Variants in ACBD6 observed in about 807,000 individuals in gnomAD.
The protein encoded by ACBD6 is acyl-CoA binding domain containing 6.
In ACBD6, 28 loss-of-function variants were observed where a neutral mutation model predicts 37.2. That is an observed-to-expected ratio of 0.75 (90% confidence interval 0.56 to 1.03). The LOEUF is 1.03. Among genes scored for constraint, ACBD6 ranks in the 50% least tolerant of loss-of-function variants. ACBD6 has a pLI of 0.00. For missense variants in ACBD6, 340 were observed against 337.4 expected, an observed-to-expected ratio of 1.01 and a Z score of -0.06; for synonymous variants, 113 against 126.8, an observed-to-expected ratio of 0.89 and a Z score of 0.73.
At chr1:180,430,285 T>C (rs1481619748) in intron 3 of ACBD6, 23 bp from the exon 4 acceptor site, 5 of 1,584,916 alleles carry the variant, frequency 3.2e-6, no homozygotes, top group Non-Finnish European at 3.5e-6. Flanking sequence ...GAAAAAAAAG[T>C]GAAAAAAAGA....
intron 7 of ACBD6, among the ~76,000 whole-genome samples, chr1:180,312,558 T>C (rs1650634659): frequency 6.6e-6 from 1 of 152,202 alleles, no homozygotes; most frequent in Non-Finnish European, 1.5e-5. Context: ...CATTTTGTGT[T>C]ATCTACAATT....
At chr1:180,484,822 T>C (rs1354109055) in intron 3 of ACBD6, among the ~76,000 whole-genome samples, 1 of 151,930 alleles carries the variant, frequency 6.6e-6, no homozygotes, top group Non-Finnish European at 1.5e-5. Context: ...TCCCAGCACT[T>C]TGGGAGGCTG....
intron 10 of ACBD6, chr1:180,274,266 A>C: frequency 6.2e-7 from 1 of 1,614,236 alleles, no homozygotes; most frequent in African/African-American, 1.3e-5. Context: ...CAGTTAATGA[A>C]TGGGAGCTTC....
chr1:180,339,570 A>G (rs1390055951), intron 6 of ACBD6, among the ~76,000 whole-genome samples: 1 of 152,192 alleles, frequency 6.6e-6, no homozygotes, highest in East Asian at 1.9e-4. Flanking sequence ...GTTAGGAGAT[A>G]TAGCTAATGT....
At chr1:180,471,700 A>G (rs1043146685) in intron 3 of ACBD6, among the ~76,000 whole-genome samples, 4 of 152,156 alleles carry the variant, frequency 2.6e-5, no homozygotes, top group African/African-American at 9.7e-5. Context: ...CCATGATTCA[A>G]TTACCTCCCC....
chr1:180,450,583 T>G (rs1333120557), intron 3 of ACBD6, among the ~76,000 whole-genome samples: 1 of 151,726 alleles, frequency 6.6e-6, no homozygotes, highest in Non-Finnish European at 1.5e-5. Context: ...ACAGTGAAAC[T>G]CCGTCTCTAC....
chr1:180,323,529 T>C (rs1651153755), intron 6 of ACBD6, among the ~76,000 whole-genome samples: 1 of 151,510 alleles, frequency 6.6e-6, no homozygotes, highest in Non-Finnish European at 1.5e-5. Context: ...TGTATTGGGG[T>C]CTCTCTCTCT....
intron 6 of ACBD6, among the ~76,000 whole-genome samples, chr1:180,375,879 AAAC>A (rs1653413274): frequency 6.6e-6 from 1 of 152,218 alleles, no homozygotes; most frequent in East Asian, 1.9e-4. Flanking sequence ...AAGATACCAT[AAAC>A]AAAATCAACA....
chr1:180,376,558 A>G (rs1462520544), intron 6 of ACBD6, among the ~76,000 whole-genome samples: 2 of 152,208 alleles, frequency 1.3e-5, no homozygotes, highest in Non-Finnish European at 2.9e-5. Context: ...GTTAGGTGAA[A>G]AAGTGATGAG....
chr1:180,303,909 T>C (rs1227402581), intron 7 of ACBD6, among the ~76,000 whole-genome samples: 4 of 150,810 alleles, frequency 2.7e-5, no homozygotes, highest in Non-Finnish European at 5.9e-5. Flanking sequence ...TTATCCACCA[T>C]GATTAAGTGG....
chr1:180,340,037 A>C (rs542969124), intron 6 of ACBD6, among the ~76,000 whole-genome samples: 8 of 152,070 alleles, frequency 5.3e-5, no homozygotes, highest in Non-Finnish European at 1.0e-4. Flanking sequence ...AAGTGCAAAG[A>C]CCCTGAAATG....
At chr1:180,325,955 C>T (rs1417957113) in intron 6 of ACBD6, among the ~76,000 whole-genome samples, 1 of 152,186 alleles carries the variant, frequency 6.6e-6, no homozygotes, top group Non-Finnish European at 1.5e-5. Flanking sequence ...ACCACTGGGA[C>T]TGCACTGGGT....
intron 6 of ACBD6, among the ~76,000 whole-genome samples, chr1:180,354,533 TA>T (rs922256350): frequency 1.3e-5 from 2 of 152,186 alleles, no homozygotes; most frequent in African/African-American, 4.8e-5. Context: ...TCTTGCCGCC[TA>T]AATTCTTTCC....
Position 180,410,303 on chromosome 1 carries a change from A to G in ACBD6, c.573+3063T>C, listed in dbSNP as rs551324331. 9.8e-5 allele frequency among the ~76,000 whole-genome samples: 15 copies of G among 152,368 alleles called. No individual in the cohort carries two copies. The South Asian group carries it at 2.9e-3, about 29-fold the overall frequency. On this transcript the variant is annotated intron_variant, in intron 5 of 7. Coordinates refer to ENST00000367595, the MANE Select transcript of ACBD6 (RefSeq NM_032360.4). ...GTCATCCAGAAGACCTAGTTAAAGT[A>G]ACCGATAAAGGTGACTACACTCAAC...
At chr1:180,380,062 A>C (rs1325346701) in intron 6 of ACBD6, among the ~76,000 whole-genome samples, 1 of 152,142 alleles carries the variant, frequency 6.6e-6, no homozygotes, top group African/African-American at 2.4e-5. Context: ...GTAGTTCGAG[A>C]CCAGCCCGGG....
intron 3 of ACBD6, among the ~76,000 whole-genome samples, chr1:180,491,093 A>G (rs1651486638): frequency 6.6e-6 from 1 of 152,100 alleles, no homozygotes; most frequent in Admixed American, 6.5e-5. Flanking sequence ...GTCATAATAT[A>G]TAATCTTTTA....
intron 7 of ACBD6, among the ~76,000 whole-genome samples, chr1:180,306,153 A>T (rs1405196148): frequency 1.3e-5 from 2 of 151,488 alleles, no homozygotes; most frequent in Non-Finnish European, 2.9e-5. Flanking sequence ...ATGTTAAATG[A>T]TGAGTTGATG....
At chr1:180,408,746 C>T (rs1647731433) in intron 5 of ACBD6, among the ~76,000 whole-genome samples, 1 of 151,988 alleles carries the variant, frequency 6.6e-6, no homozygotes, top group Non-Finnish European at 1.5e-5. Context: ...ATGAGTAAAA[C>T]AGTTAAATCT....
At chr1:180,456,996 T>C (rs1418015345) in intron 3 of ACBD6, among the ~76,000 whole-genome samples, 1 of 152,128 alleles carries the variant, frequency 6.6e-6, no homozygotes, top group Non-Finnish European at 1.5e-5. Context: ...AAAAACTATA[T>C]TGACTAAAAA....
Sources: gnomAD v4.1 joint callset for allele counts (sites outside exome capture counted in the v4.1 genomes callset) on GRCh38, gnomAD v4.1.1 for gene constraint, MANE v1.5 for transcripts, NCBI Gene and HGNC (gene_info 2026-07-23, HGNC 2026-07-21) for gene names.